The following ZCCHC24 variants were observed in gnomAD, a reference collection of about 807,000 sequenced individuals.
The protein encoded by ZCCHC24 is zinc finger CCHC-type containing 24, also known as zinc finger CCHC domain-containing protein 24.
ZCCHC24 carries 10 observed loss-of-function variants against 26.2 expected under a neutral mutation model. The observed-to-expected ratio is 0.38, with a 90% CI of 0.24 to 0.65. The LOEUF (loss-of-function observed/expected upper bound fraction) is 0.65, where lower values mean the gene tolerates loss of function less well. Among genes scored for constraint, ZCCHC24 ranks in the 30% least tolerant of loss-of-function variants. The pLI, the probability that ZCCHC24 is intolerant of heterozygous loss-of-function variation, is 0.54. For missense variants in ZCCHC24, 243 were observed against 329.1 expected, an observed-to-expected ratio of 0.74 and a Z score of 2.03; for synonymous variants, 144 against 147.1, an observed-to-expected ratio of 0.98 and a Z score of 0.15.
chr10:79,401,463 A>G (rs553637416), intron 2 of ZCCHC24, among the ~76,000 whole-genome samples: 4 of 152,340 alleles, frequency 2.6e-5, no homozygotes, highest in African/African-American at 9.6e-5. Flanking sequence ...CGCTGCCAGG[A>G]AATGGGGTAG....
At chr10:79,402,376 T>C (rs930119427) in intron 2 of ZCCHC24, among the ~76,000 whole-genome samples, 2 of 152,170 alleles carry the variant, frequency 1.3e-5, no homozygotes, top group African/African-American at 4.8e-5. Flanking sequence ...CCCAGTTCCA[T>C]GCCATTCTCC....
At chr10:79,403,315 C>T (rs768016250) in intron 2 of ZCCHC24, 33 of 881,636 alleles carry the variant, frequency 3.7e-5, no homozygotes, top group Non-Finnish European at 4.5e-5. Flanking sequence ...GAAACTGAGG[C>T]TCGAGACAGG....
chr10:79,425,655 G>A (rs917922582), intron 2 of ZCCHC24, among the ~76,000 whole-genome samples: 2 of 152,176 alleles, frequency 1.3e-5, no homozygotes, highest in Non-Finnish European at 2.9e-5. Flanking sequence ...CTGGGTCTCA[G>A]TTTTATCATC....
At chr10:79,433,417 C>G (rs139458271) in intron 1 of ZCCHC24, among the ~76,000 whole-genome samples, 1 of 152,254 alleles carries the variant, frequency 6.6e-6, no homozygotes, top group African/African-American at 2.4e-5. Flanking sequence ...CCATCTCTCT[C>G]ACCTCCAGAT....
At chr10:79,387,417 CT>C (rs1213137978) in intron 3 of ZCCHC24, among the ~76,000 whole-genome samples, 1 of 152,218 alleles carries the variant, frequency 6.6e-6, no homozygotes, top group Non-Finnish European at 1.5e-5. Context: ...TTTTCCTCCC[CT>C]CCTGACTCTC....
At chr10:79,389,453 T>A (rs911231312) in intron 3 of ZCCHC24, among the ~76,000 whole-genome samples, 1 of 152,062 alleles carries the variant, frequency 6.6e-6, no homozygotes, top group Non-Finnish European at 1.5e-5. Context: ...TTGGGAAGGA[T>A]CTTTCTCCTC....
In ZCCHC24 at chr10:79,425,620, G is replaced by A. The variant is rs146250756; in HGVS notation, c.447+6938C>T. Among the ~76,000 whole-genome samples, 3 of 152,216 alleles carry A rather than the reference G, an allele frequency of 2.0e-5. No individual in the cohort carries two copies. The East Asian group carries it at 5.8e-4, about 29-fold the overall frequency. Reference sequence around the variant, plus strand: ...AGCTTTGATATTCACTAGCTGTGTGGCCTTGGGCAAGTCACTCCACTTCTC... The same window carrying A: ...AGCTTTGATATTCACTAGCTGTGTGACCTTGGGCAAGTCACTCCACTTCTC... On this transcript the variant is annotated intron_variant, in intron 2 of 3. Transcript: ENST00000372336.
chr10:79,423,577 T>C (rs1856976476), intron 2 of ZCCHC24, among the ~76,000 whole-genome samples: 1 of 64,118 alleles, frequency 1.6e-5, no homozygotes, highest in Non-Finnish European at 3.0e-5. Flanking sequence ...ACAAAATATA[T>C]ATACTATATA....
At position 79,383,336 on chromosome 10, in the gene ZCCHC24, C is replaced by G. The variant is rs1450064802; in HGVS notation, c.*3009G>C. ...TTTCCTCATCAGAATTATGTACCAA[C>G]TTCATATAATATTCTATGTAGACAA... is the stretch of plus-strand genomic sequence containing the variant. On this transcript the variant is annotated 3_prime_UTR_variant, in exon 4 of 4. Coordinates refer to ENST00000372336, the MANE Select transcript of ZCCHC24 (RefSeq NM_153367.4). 1 of 152,630 alleles carries G rather than the reference C, an allele frequency of 6.6e-6. No homozygotes were observed. The highest frequency in any genetic ancestry group is 2.4e-5 in the African/African-American group (1 of 41,406). The allele number at this position is 152,630 out of a possible 1,614,324, so 9.5% of individuals were successfully genotyped here.
intron 1 of ZCCHC24, among the ~76,000 whole-genome samples, chr10:79,439,742 C>T (rs1857264719): frequency 6.9e-6 from 1 of 145,512 alleles, no homozygotes; most frequent in Non-Finnish European, 1.5e-5. Context: ...TTGCAGTGAG[C>T]AGAGATTGTG....
chr10:79,414,383 G>A (rs548652524), intron 2 of ZCCHC24, among the ~76,000 whole-genome samples: 18 of 152,296 alleles, frequency 1.2e-4, no homozygotes, highest in East Asian at 3.9e-4. Flanking sequence ...TCAGAAGCAC[G>A]TACTTGAGGT....
intron 1 of ZCCHC24, among the ~76,000 whole-genome samples, chr10:79,440,223 C>T (rs1407920277): frequency 2.6e-5 from 4 of 152,104 alleles, no homozygotes; most frequent in Admixed American, 6.5e-5. Context: ...CCTTAGTTTC[C>T]CCATCCAGAC....
intron 2 of ZCCHC24, among the ~76,000 whole-genome samples, chr10:79,407,776 C>T (rs1322522768): frequency 6.6e-6 from 1 of 152,222 alleles, no homozygotes; most frequent in Non-Finnish European, 1.5e-5. Flanking sequence ...GAGCGCAGGG[C>T]TCCTCACCCC....
At chr10:79,422,773 TA>T (rs1856965808) in intron 2 of ZCCHC24, among the ~76,000 whole-genome samples, 1 of 152,190 alleles carries the variant, frequency 6.6e-6, no homozygotes, top group Non-Finnish European at 1.5e-5. Context: ...GCCCTGTTCT[TA>T]GCTGGACACA....
rs758947126 is a variant in ZCCHC24 at position 79,445,321 on chromosome 10, G to T, written c.120C>A (p.Phe40Leu). 6.6e-7 allele frequency: 1 copy of T among 1,520,138 alleles called. No individual in the cohort carries two copies. The highest frequency in any genetic ancestry group is 1.4e-5 in the African/African-American group (1 of 69,960). The allele number at this position is 1,520,138 out of a possible 1,614,324, so 94.2% of individuals were successfully genotyped here. The change falls in exon 1 of 4, where the codon TTC becomes TTA. Residue 40 changes from phenylalanine (F) to leucine (L), a missense_variant. By Grantham distance (22) the Phe-to-Leu change is conservative. Transcript: ENST00000372336. The part of the protein sequence containing the change: ...DTHQASAFDA[F>L]RPEPTAGAAP... ...CGGCGCCGGCGGTCGGCTCGGGCCG[G>T]AAGGCATCGAAGGCGCTAGCCTGGT...
chr10:79,389,626 AT>A (rs1371764156), intron 3 of ZCCHC24, among the ~76,000 whole-genome samples: 1 of 147,184 alleles, frequency 6.8e-6, no homozygotes, highest in Admixed American at 6.8e-5. Flanking sequence ...ATTTATTTTT[AT>A]TTTTTCAGAC....
chr10:79,435,067 C>T (rs1051074820), intron 1 of ZCCHC24, among the ~76,000 whole-genome samples: 4 of 152,112 alleles, frequency 2.6e-5, no homozygotes, highest in Admixed American at 2.6e-4. Context: ...TCCAAATCCG[C>T]CCCAGCCTCC....
intron 2 of ZCCHC24, among the ~76,000 whole-genome samples, chr10:79,408,430 A>C (rs7893621): frequency 0.058 from 8,850 of 152,172 alleles, 899 homozygotes; most frequent in African/African-American, 0.2. Context: ...CAGGCCAAAC[A>C]ACCAGCCAGG....
intron 1 of ZCCHC24, among the ~76,000 whole-genome samples, chr10:79,440,420 T>C (rs1258894200): frequency 6.6e-6 from 1 of 152,136 alleles, no homozygotes; most frequent in Non-Finnish European, 1.5e-5. Flanking sequence ...ACTCAGCAAT[T>C]CCAGAAAGTT....
Sources: allele counts gnomAD v4.1 joint callset (sites outside exome capture counted in the v4.1 genomes callset), GRCh38; gene constraint gnomAD v4.1.1; transcripts MANE v1.5; gene names NCBI Gene and HGNC (gene_info 2026-07-23, HGNC 2026-07-21).